CEP164: variants seen among roughly 807,000 people sequenced by gnomAD.
CEP164 encodes the protein centrosomal protein 164, also known as centrosomal protein of 164 kDa.
CEP164 carries 162 observed loss-of-function variants against 182.7 expected under a neutral mutation model. That is an observed-to-expected ratio of 0.89 (90% CI 0.78 to 1.01). The LOEUF is 1.01. Among genes scored for constraint, CEP164 ranks in the 50% least tolerant of loss-of-function variants. The probability of loss-of-function intolerance (pLI) is 0.00; values close to 1 mark genes in which losing one functional copy is unlikely to be tolerated. For missense variants in CEP164, 1,735 were observed against 1,790.4 expected, an observed-to-expected ratio of 0.97 and a Z score of 0.56; for synonymous variants, 661 against 690.0, an observed-to-expected ratio of 0.96 and a Z score of 0.66.
intron 4 of CEP164, among the ~76,000 whole-genome samples, chr11:117,350,217 T>C (rs2039445353): frequency 6.6e-6 from 1 of 152,068 alleles, no homozygotes; most frequent in South Asian, 2.1e-4. Flanking sequence ...CCTTTTTTTT[T>C]TTTGAAACAG....
intron 5 of CEP164, chr11:117,356,407 C>T (rs1442128476): frequency 1.6e-6 from 2 of 1,213,130 alleles, no homozygotes; most frequent in African/African-American, 1.6e-5. Flanking sequence ...ACGAGGCCAT[C>T]AGAGTCATGG....
chr11:117,413,048 C>T lies in CEP164; in HGVS notation c.*880C>T, dbSNP rs1375513562. On this transcript the variant is annotated 3_prime_UTR_variant, in exon 33 of 33. Transcript: ENST00000278935. ...TACCTGTGCCACCCCTGCCCTGATTCCACGGCTGCCTCAGGCAGGCAGGCA... is the reference window on the plus strand; with the variant it reads ...TACCTGTGCCACCCCTGCCCTGATTTCACGGCTGCCTCAGGCAGGCAGGCA... The T allele has an allele frequency of 6.6e-6, 1 of 152,266 alleles. No individual in the cohort carries two copies. The highest frequency in any genetic ancestry group is 1.9e-4 in the East Asian group (1 of 5,198). 9.4% of individuals were successfully genotyped at this position (152,266 alleles called of 1,614,324 possible). A position where few individuals can be genotyped will look rare whatever the true frequency, so the allele number is the denominator to read the frequency against.
At chr11:117,395,295 G>A in intron 23 of CEP164, 104 bp downstream of exon 23, 1 of 1,380,708 alleles carries the variant, frequency 7.2e-7, no homozygotes, top group South Asian at 1.2e-5. Flanking sequence ...AGGGCACTGG[G>A]GTTCCAAACT....
At position 117,399,319 on chromosome 11, in the gene CEP164, T is replaced by C. The variant is rs188803557; in HGVS notation, c.3501+2006T>C. On this transcript the variant is annotated intron_variant, in intron 27 of 32. Transcript: ENST00000278935. ...CCCTACAAAGGACATGAACTCATCCTTTTTTATGGCTGCATAGTATTCCAT... is the reference window on the plus strand; with the variant it reads ...CCCTACAAAGGACATGAACTCATCCCTTTTTATGGCTGCATAGTATTCCAT... Among the ~76,000 whole-genome samples, 340 of 152,350 alleles carry C rather than the reference T, an allele frequency of 2.2e-3. 1 individual carries two copies. Among genetic ancestry groups the C allele is most frequent in the African/African-American group, 7.7e-3 (322 of 41,584 alleles).
chr11:117,350,636 G>T (rs1346707841), intron 4 of CEP164, among the ~76,000 whole-genome samples: 1 of 151,784 alleles, frequency 6.6e-6, no homozygotes, highest in East Asian at 1.9e-4. Context: ...TCTTTTGTTT[G>T]AATTGAGATT....
At chr11:117,359,418 A>G (rs2040683788) in intron 5 of CEP164, 1 of 985,350 alleles carries the variant, frequency 1.0e-6, no homozygotes, top group Non-Finnish European at 1.2e-6. Flanking sequence ...CTTCACAAAC[A>G]TGTTCTACAA....
chr11:117,396,927 A>G (rs2045555665), intron 26 of CEP164, among the ~76,000 whole-genome samples, 164 bp from the exon 27 acceptor site: 1 of 152,222 alleles, frequency 6.6e-6, no homozygotes, highest in Non-Finnish European at 1.5e-5. Flanking sequence ...GGCACTGCGC[A>G]CTGTGGGTAT....
intron 8 of CEP164, among the ~76,000 whole-genome samples, chr11:117,364,590 G>T (rs1186814662): frequency 6.6e-6 from 1 of 150,390 alleles, no homozygotes; most frequent in African/African-American, 2.5e-5. Flanking sequence ...TTGAGACTGG[G>T]TGTCACTCTG....
Position 117,391,187 on chromosome 11 carries a change from G to A in CEP164, c.2255G>A (p.Arg752Lys), listed in dbSNP as rs753614257. ...AAGGAGAAGGCTCTGCAGCAGCTGA[G>A]GGAGCAGCTGGAAGGGGAGAGGAAA... Reference protein sequence around the residue: ...AAKEKALQQLREQLEGERKEA... With the variant: ...AAKEKALQQLKEQLEGERKEA... The change falls in exon 17 of 33, where the codon AGG (arginine) becomes AAG (lysine). Residue 752 changes from arginine to lysine, a missense_variant. By Grantham distance (26) the Arg-to-Lys change is conservative. Coordinates refer to ENST00000278935, the MANE Select transcript of CEP164 (RefSeq NM_014956.5). 172 of 1,611,996 alleles carry A rather than the reference G, an allele frequency of 1.1e-4. 2 individuals are homozygous for A. The South Asian group carries it at 1.5e-3, about 14-fold the overall frequency.
intron 30 of CEP164, chr11:117,410,209 ATGGAGCC>A: frequency 1.6e-6 from 1 of 612,502 alleles, no homozygotes; most frequent in Admixed American, 2.6e-5. Context: ...GACGGTTTAG[ATGGAGCC>A]TGGCTGACTG....
At chr11:117,343,107 G>A (rs945605126) in intron 3 of CEP164, among the ~76,000 whole-genome samples, 1 of 152,114 alleles carries the variant, frequency 6.6e-6, no homozygotes, top group African/African-American at 2.4e-5. Flanking sequence ...CTGGACTCAG[G>A]CAATCCTCCC....
chr11:117,354,448 T>C (rs1230557677), intron 5 of CEP164, among the ~76,000 whole-genome samples: 1 of 152,212 alleles, frequency 6.6e-6, no homozygotes, highest in Non-Finnish European at 1.5e-5. Flanking sequence ...TCAGTTCCTC[T>C]ATAGAGGTCC....
chr11:117,376,177 G>A (rs1414835354), intron 11 of CEP164, among the ~76,000 whole-genome samples: 1 of 152,136 alleles, frequency 6.6e-6, no homozygotes, highest in African/African-American at 2.4e-5. Flanking sequence ...TATTGCTGGG[G>A]CACACTCCAC....
chr11:117,391,045 T>G lies in CEP164; in HGVS notation c.2113T>G (p.Ser705Ala). ...SLQKLREELE[S>A]QQKAERASLE... Reference sequence around the variant, plus strand: ...GCAGAAACTGAGAGAAGAGTTGGAGTCTCAACAGAAGGCTGAGAGGGCCAG... The same window carrying G: ...GCAGAAACTGAGAGAAGAGTTGGAGGCTCAACAGAAGGCTGAGAGGGCCAG... Residue 705 changes from serine (S) to alanine (A), a missense_variant, in exon 17 of 33, where the codon TCT becomes GCT. Coordinates refer to ENST00000278935, the MANE Select transcript of CEP164 (RefSeq NM_014956.5). 6.2e-7 allele frequency: 1 copy of G among 1,612,940 alleles called. No individual in the cohort carries two copies. The highest frequency in any genetic ancestry group is 8.5e-7 in the Non-Finnish European group (1 of 1,179,762).
upstream of CEP164, among the ~76,000 whole-genome samples, chr11:117,326,299 G>A (rs1007351973): frequency 1.3e-5 from 2 of 151,806 alleles, no homozygotes; most frequent in Non-Finnish European, 2.9e-5. Flanking sequence ...CTTGATCTGG[G>A]CTCATTGCAA....
intron 5 of CEP164, among the ~76,000 whole-genome samples, chr11:117,358,343 T>A (rs909222510): frequency 6.6e-6 from 1 of 152,058 alleles, no homozygotes; most frequent in Admixed American, 6.6e-5. Context: ...AGCATGCTTG[T>A]CTCCCTCCCT....
chr11:117,354,522 C>T (rs1766620495), intron 5 of CEP164, among the ~76,000 whole-genome samples: 1 of 152,088 alleles, frequency 6.6e-6, no homozygotes, highest in Non-Finnish European at 1.5e-5. Context: ...TTTGTGACGC[C>T]TCTTCTCTGT....
intron 4 of CEP164, 70 bp downstream of exon 4, chr11:117,344,347 G>A (rs559391051): frequency 1.1e-5 from 11 of 1,028,012 alleles, no homozygotes; most frequent in South Asian, 2.8e-5. Context: ...ACTGGAGATC[G>A]GTTTGAACTG....
intron 2 of CEP164, chr11:117,336,693 T>A: frequency 1.3e-6 from 1 of 793,574 alleles, no homozygotes; most frequent in Non-Finnish European, 2.2e-6. Flanking sequence ...TACCAGATCC[T>A]GATGTTTTTA....
Sources: gnomAD v4.1 joint callset for allele counts (sites outside exome capture counted in the v4.1 genomes callset) on GRCh38, gnomAD v4.1.1 for gene constraint, MANE v1.5 for transcripts, NCBI Gene and HGNC (gene_info 2026-07-23, HGNC 2026-07-21) for gene names.